ANO5: variants seen among roughly 807,000 people sequenced by gnomAD.
ANO5 encodes the protein anoctamin-5.
ANO5 carries 109 observed loss-of-function variants against 121.0 expected under a neutral mutation model. The observed-to-expected ratio is 0.90, with a 90% CI of 0.77 to 1.06. ANO5 has a LOEUF of 1.06. ANO5 is among the 50% of genes least tolerant of loss of function. The pLI, the probability that ANO5 is intolerant of heterozygous loss-of-function variation, is 0.00. For missense variants in ANO5, 1,064 were observed against 1,078.5 expected (o/e 0.99, Z 0.19); for synonymous variants, 406 against 359.9 (o/e 1.13, Z -1.45).
At chr11:22,218,159 A>G in intron 3 of ANO5, 87 bp from the exon 4 acceptor site, 1 of 1,275,578 alleles carries the variant, frequency 7.8e-7, no homozygotes, top group Non-Finnish European at 1.1e-6. Context: ...TGATCATACC[A>G]AGGGTTAGTT....
intron 1 of ANO5, among the ~76,000 whole-genome samples, chr11:22,198,969 A>C (rs1383937804): frequency 6.6e-6 from 1 of 152,342 alleles, no homozygotes; most frequent in East Asian, 1.9e-4. Context: ...AAACCCATTG[A>C]TGATAATACT....
chr11:22,221,847 T>C (rs1852664140), intron 5 of ANO5, among the ~76,000 whole-genome samples: 2 of 151,966 alleles, frequency 1.3e-5, no homozygotes, highest in South Asian at 2.1e-4. Flanking sequence ...TACACACACA[T>C]TTACTTATGT....
chr11:22,255,670 T>C, intron 13 of ANO5, 148 bp downstream of exon 13: 1 of 823,698 alleles, frequency 1.2e-6, no homozygotes, highest in Non-Finnish European at 1.9e-6. Flanking sequence ...CTAATATACA[T>C]ACATGTATAT....
intron 13 of ANO5, among the ~76,000 whole-genome samples, chr11:22,256,370 A>C (rs1854000088): frequency 6.6e-6 from 1 of 152,196 alleles, no homozygotes; most frequent in African/African-American, 2.4e-5. Context: ...ATAACATTTA[A>C]AATTATTTTC....
chr11:22,248,385 T>TA (rs1853692629), intron 9 of ANO5, among the ~76,000 whole-genome samples: 1 of 152,102 alleles, frequency 6.6e-6, no homozygotes, highest in Non-Finnish European at 1.5e-5. Context: ...TGAGCTTTTG[T>TA]AGAGTGTCTC....
rs560689567 is a variant in ANO5, at chr11:22,221,471, A to G, written c.294+261A>G. Among the ~76,000 whole-genome samples the G allele has an allele frequency of 2.6e-5, 4 of 152,150 alleles. No individual in the cohort carries two copies. The East Asian group carries it at 5.8e-4, about 22-fold the overall frequency. On this transcript the variant is annotated intron_variant, in intron 5 of 21. Coordinates refer to ENST00000324559, the MANE Select transcript of ANO5 (RefSeq NM_213599.3). ...ATTCTTTTTATAGCTCACTTTAGAT[A>G]TTAAATGTAACATCCAAAATTTGAG...
Position 22,274,655 on chromosome 11 carries a change from A to G in ANO5, c.2322A>G (p.Thr774=), listed in dbSNP as rs959194850. 1 of 1,613,606 alleles carries G rather than the reference A, an allele frequency of 6.2e-7. No individual in the cohort carries two copies. The highest frequency in any genetic ancestry group is 8.5e-7 in the Non-Finnish European group (1 of 1,179,678). ...AYSTNATQPM[T]GYVNNSLSVF... The stretch of plus-strand genomic sequence containing the variant: ...CAACAAATGCCACACAGCCTATGAC[A>G]GGATATGTGAATAATAGCCTGTCAG... The change falls in exon 20 of 22, where the codon ACA becomes ACG. Residue 774 remains threonine (T), a synonymous_variant. Transcript: ENST00000324559.
chr11:22,262,011 G>T (rs1268117303), intron 15 of ANO5, 118 bp from the exon 16 acceptor site: 1 of 917,778 alleles, frequency 1.1e-6, no homozygotes, highest in Non-Finnish European at 1.7e-6. Flanking sequence ...TCGCCAGAAT[G>T]GGGAGCATTC....
At chr11:22,228,669 A>G (rs1233837085) in intron 7 of ANO5, among the ~76,000 whole-genome samples, 1 of 151,910 alleles carries the variant, frequency 6.6e-6, no homozygotes, top group Non-Finnish European at 1.5e-5. Flanking sequence ...ATTCTCTGCT[A>G]ATCACTATTC....
At chr11:22,244,820 C>T (rs1229563109) in intron 9 of ANO5, among the ~76,000 whole-genome samples, 1 of 152,034 alleles carries the variant, frequency 6.6e-6, no homozygotes, top group Admixed American at 6.6e-5. Flanking sequence ...TGGGTTTTAA[C>T]TTTCTCTTGA....
intron 2 of ANO5, among the ~76,000 whole-genome samples, chr11:22,209,895 G>C (rs1852226413): frequency 6.6e-6 from 1 of 151,706 alleles, no homozygotes. Flanking sequence ...CATTTCTCTA[G>C]GATAATTGGA....
chr11:22,239,642 G>A lies in ANO5; in HGVS notation c.836G>A (p.Arg279Gln), dbSNP rs201329725. ...ERYTLHQNWA[R>Q]FSYFYKEQPL... ...TACACACTTCACCAGAATTGGGCTC[G>A]ATTTTCCTATTTCTACAAGGAGCAG... The change falls in exon 9 of 22, where the codon CGA becomes CAA. Residue 279 changes from arginine to glutamine, a missense_variant. Transcript: ENST00000324559. The A allele has an allele frequency of 9.3e-6, 15 of 1,612,596 alleles. No individual in the cohort carries two copies. The highest frequency in any genetic ancestry group is 1.7e-4 in the Middle Eastern group (1 of 6,048).
At chr11:22,258,587 A>G (rs1028546744) in intron 14 of ANO5, among the ~76,000 whole-genome samples, 1 of 152,248 alleles carries the variant, frequency 6.6e-6, no homozygotes, top group African/African-American at 2.4e-5. Flanking sequence ...AAATTTATAC[A>G]GAATGTATAT....
At chr11:22,227,715 A>T in intron 7 of ANO5, 129 bp downstream of exon 7, 1 of 1,180,880 alleles carries the variant, frequency 8.5e-7, no homozygotes, top group South Asian at 1.4e-5. Context: ...GCATTTGGTG[A>T]TATTGGGGAG....
At chr11:22,263,195 C>T (rs1317214560) in intron 17 of ANO5, 152 bp downstream of exon 17, 2 of 608,492 alleles carry the variant, frequency 3.3e-6, no homozygotes, top group Non-Finnish European at 5.7e-6. Flanking sequence ...GTGAAGGTTG[C>T]ATTAAAGTAA....
At chr11:22,236,063 A>G in intron 7 of ANO5, 100 bp from the exon 8 acceptor site, 4 of 783,288 alleles carry the variant, frequency 5.1e-6, no homozygotes, top group Non-Finnish European at 9.0e-6. Context: ...TAGAGCCTGT[A>G]TCTACATTCA....
chr11:22,211,453 GAA>G, intron 3 of ANO5, 139 bp downstream of exon 3: 1 of 983,800 alleles, frequency 1.0e-6, no homozygotes. Flanking sequence ...TATTACTTTA[GAA>G]AAAAAAAATC....
chr11:22,221,076 T>C (rs1388885164), intron 4 of ANO5, 21 bp from the exon 5 acceptor site: 1 of 1,504,928 alleles, frequency 6.6e-7, no homozygotes, highest in East Asian at 2.3e-5. Context: ...TTTACAATTG[T>C]GTCATTTATG....
At chr11:22,206,673 A>G (rs1316754426) in intron 2 of ANO5, among the ~76,000 whole-genome samples, 1 of 148,252 alleles carries the variant, frequency 6.7e-6, no homozygotes, top group Non-Finnish European at 1.5e-5. Context: ...AATAAAAATC[A>G]TGTGATTTTT....
Sources: gnomAD v4.1 joint callset for allele counts (sites outside exome capture counted in the v4.1 genomes callset) on GRCh38, gnomAD v4.1.1 for gene constraint, MANE v1.5 for transcripts, NCBI Gene and HGNC (gene_info 2026-07-23, HGNC 2026-07-21) for gene names.